Variants in DNAH8 observed in about 807,000 individuals in gnomAD.
DNAH8 encodes the protein dynein axonemal heavy chain 8.
In DNAH8, 382 loss-of-function variants were observed where a neutral mutation model predicts 562.1. The observed-to-expected ratio is 0.68, with a 90% CI of 0.63 to 0.74. The LOEUF (loss-of-function observed/expected upper bound fraction) is 0.74, where lower values mean the gene tolerates loss of function less well. DNAH8 is among the 30% of genes least tolerant of loss of function. The pLI, the probability that DNAH8 is intolerant of heterozygous loss-of-function variation, is 0.00. For missense variants in DNAH8, 5,203 were observed against 5,620.4 expected, an observed-to-expected ratio of 0.93 and a Z score of 2.37; for synonymous variants, 1,881 against 1,919.4, an observed-to-expected ratio of 0.98 and a Z score of 0.52.
chr6:38,763,593 C>T (rs1241318610), intron 11 of DNAH8: 1 of 179,516 alleles, frequency 5.6e-6, no homozygotes, highest in African/African-American at 2.4e-5. Flanking sequence ...ACGGGTGGAT[C>T]CCTTGAGCCC....
chr6:38,972,310 C>T (rs1384543990), intron 83 of DNAH8, among the ~76,000 whole-genome samples: 1 of 152,094 alleles, frequency 6.6e-6, no homozygotes, highest in African/African-American at 2.4e-5. Context: ...TCTGTACAAA[C>T]TTTGGTGCAG....
intron 57 of DNAH8, among the ~76,000 whole-genome samples, chr6:38,888,455 C>T (rs1353966506): frequency 1.3e-5 from 2 of 151,946 alleles, no homozygotes; most frequent in East Asian, 3.9e-4. Flanking sequence ...TGAAAAGCCT[C>T]AAAGTGGAAG....
At chr6:38,779,894 G>A (rs1768413291) in intron 14 of DNAH8, 72 bp from the exon 15 acceptor site, 1 of 1,366,734 alleles carries the variant, frequency 7.3e-7, no homozygotes, top group African/African-American at 1.4e-5. Flanking sequence ...ATGAATGGAT[G>A]GTTAGTATGA....
At chr6:39,019,296 T>C (rs1367981170) in intron 91 of DNAH8, among the ~76,000 whole-genome samples, 1 of 152,146 alleles carries the variant, frequency 6.6e-6, no homozygotes, top group Non-Finnish European at 1.5e-5. Flanking sequence ...GCATAGATGC[T>C]TATGGTGATG....
intron 1 of DNAH8, among the ~76,000 whole-genome samples, chr6:38,715,941 T>A (rs1365552837): frequency 6.9e-3 from 116 of 16,924 alleles, no homozygotes; most frequent in African/African-American, 0.018. Context: ...TATATATATA[T>A]ATATATATAT....
chr6:39,014,995 G>T (rs1766469415), intron 91 of DNAH8, among the ~76,000 whole-genome samples: 1 of 152,094 alleles, frequency 6.6e-6, no homozygotes, highest in Non-Finnish European at 1.5e-5. Context: ...TTAAATGGGG[G>T]TCTCTGAGAG....
intron 88 of DNAH8, among the ~76,000 whole-genome samples, chr6:38,996,271 C>A (rs1765126089): frequency 6.6e-6 from 1 of 152,060 alleles, no homozygotes; most frequent in South Asian, 2.1e-4. Context: ...CTATGTTCTA[C>A]TCACATTTTA....
intron 73 of DNAH8, 98 bp from the exon 74 acceptor site, chr6:38,925,957 T>C: frequency 1.7e-6 from 2 of 1,166,342 alleles, no homozygotes; most frequent in Non-Finnish European, 1.2e-6. Flanking sequence ...GAAAATAATG[T>C]CCACATTTTA....
intron 37 of DNAH8, 49 bp from the exon 38 acceptor site, chr6:38,850,202 T>G: frequency 6.4e-7 from 1 of 1,574,330 alleles, no homozygotes; most frequent in African/African-American, 1.4e-5. Context: ...CTTTGCTTTT[T>G]TTCAATTATC....
At chr6:38,888,164 A>G (rs761506986) in intron 57 of DNAH8, among the ~76,000 whole-genome samples, 2 of 152,152 alleles carry the variant, frequency 1.3e-5, no homozygotes, top group East Asian at 1.9e-4. Flanking sequence ...TTTAATAAGT[A>G]GTTCTGGGAT....
intron 21 of DNAH8, among the ~76,000 whole-genome samples, chr6:38,798,174 A>G (rs1373039613): frequency 2.0e-5 from 3 of 152,152 alleles, no homozygotes; most frequent in Non-Finnish European, 4.4e-5. Flanking sequence ...TAATGGGTAT[A>G]GGGATGCTTT....
intron 3 of DNAH8, among the ~76,000 whole-genome samples, chr6:38,726,066 T>C (rs751988479): frequency 1.1e-4 from 16 of 152,220 alleles, no homozygotes; most frequent in Non-Finnish European, 2.1e-4. Context: ...GGCCAATTTC[T>C]AAAAAGTCAT....
At chr6:38,877,557 T>A (rs531934827) in intron 53 of DNAH8, among the ~76,000 whole-genome samples, 1 of 152,284 alleles carries the variant, frequency 6.6e-6, no homozygotes, top group East Asian at 1.9e-4. Context: ...TTTGACGAAA[T>A]TTATTTGCCC....
intron 82 of DNAH8, among the ~76,000 whole-genome samples, chr6:38,964,669 T>C (rs1056470269): frequency 6.6e-6 from 1 of 151,946 alleles, no homozygotes; most frequent in Non-Finnish European, 1.5e-5. Flanking sequence ...AGAATGCATA[T>C]GACATGATGG....
rs117654264 is a variant in DNAH8, at chr6:39,015,483, G to A, written c.13714+2846G>A. 0.011 allele frequency among the ~76,000 whole-genome samples: 1,724 copies of A among 152,146 alleles called. 112 individuals carry two copies. In the East Asian group the frequency reaches 0.16, roughly 14 times the overall value. ...AGGTGGTTTTCCCCATGCTGCTTTC[G>A]TGATAGTGAGTGAGTTCTCACGAGA... On this transcript the variant is annotated intron_variant, in intron 91 of 92. Transcript: ENST00000327475.
At chr6:38,984,344 T>G in intron 87 of DNAH8, 37 bp downstream of exon 87, 1 of 1,364,918 alleles carries the variant, frequency 7.3e-7, no homozygotes, top group Non-Finnish European at 1.0e-6. Flanking sequence ...TGGAGACACA[T>G]TTCACTGTAT....
Position 38,863,887 on chromosome 6 carries a change from G to C in DNAH8, c.6325G>C (p.Gly2109Arg). Residue 2109 changes from glycine to arginine, a missense_variant, in exon 45 of 93, where the codon GGT becomes CGT. This residue lies in a region of DNAH8 where 2,176 missense variants were observed against 2,365.1 expected (regional missense o/e 0.92). Transcript: ENST00000327475. ...TTTCATGCCAGGTCTTGCACAGTCG[G>C]GTTCCTGGGGCTGTTTTGATGAGTT... ...GRIFKGLAQS[G>R]SWGCFDEFNR... 6.3e-7 allele frequency: 1 copy of C among 1,596,504 alleles called. No individual in the cohort carries two copies. The highest frequency in any genetic ancestry group is 2.2e-5 in the East Asian group (1 of 44,770).
intron 82 of DNAH8, among the ~76,000 whole-genome samples, chr6:38,967,533 C>A (rs1486552754): frequency 6.6e-6 from 1 of 151,874 alleles, no homozygotes; most frequent in Non-Finnish European, 1.5e-5. Flanking sequence ...AATTCCTTTA[C>A]AATATTATTA....
At chr6:38,923,813 C>CTAG (rs1223812220) in intron 72 of DNAH8, among the ~76,000 whole-genome samples, 178 bp from the exon 73 acceptor site, 1 of 152,056 alleles carries the variant, frequency 6.6e-6, no homozygotes, top group African/African-American at 2.4e-5. Context: ...GTGGCCACTC[C>CTAG]TACCCACTTT....
Sources: allele counts gnomAD v4.1 joint callset (sites outside exome capture counted in the v4.1 genomes callset), GRCh38; gene constraint gnomAD v4.1.1; regional missense constraint gnomAD v4.1.1; transcripts MANE v1.5; gene names NCBI Gene and HGNC (gene_info 2026-07-23, HGNC 2026-07-21).